ABLIM1: variants seen among roughly 807,000 people sequenced by gnomAD.
ABLIM1 encodes the protein actin binding LIM protein 1.
A neutral mutation model predicts 107.0 loss-of-function variants in ABLIM1; 40 were observed. The observed-to-expected ratio is 0.37, with a 90% confidence interval of 0.29 to 0.49. ABLIM1 has a LOEUF of 0.49. Ranked by LOEUF, ABLIM1 falls within the 20% of genes least tolerant of loss-of-function variation. The probability of loss-of-function intolerance (pLI) is 0.97; values close to 1 mark genes in which losing one functional copy is unlikely to be tolerated. For missense variants in ABLIM1, 857 were observed against 1,008.5 expected, an observed-to-expected ratio of 0.85 and a Z score of 2.04; for synonymous variants, 357 against 357.3, an observed-to-expected ratio of 1.00 and a Z score of 0.01.
chr10:114,521,983 A>C (rs2063815078), intron 6 of ABLIM1, among the ~76,000 whole-genome samples: 1 of 152,160 alleles, frequency 6.6e-6, no homozygotes, highest in South Asian at 2.1e-4. Flanking sequence ...TCTCCAAGTC[A>C]AAAGAGGCAG....
chr10:114,599,618 A>T (rs571254792), intron 2 of ABLIM1, among the ~76,000 whole-genome samples: 466 of 151,890 alleles, frequency 3.1e-3, no homozygotes, highest in Non-Finnish European at 3.4e-3. Context: ...CTGAAAAAAA[A>T]CCACACACAC....
intron 6 of ABLIM1, among the ~76,000 whole-genome samples, chr10:114,500,682 AG>A (rs563911885): frequency 7.9e-6 from 1 of 126,200 alleles, no homozygotes; most frequent in African/African-American, 3.1e-5. Flanking sequence ...TTGTGTCGAA[AG>A]AAAAAAAAAA....
intron 8 of ABLIM1, among the ~76,000 whole-genome samples, chr10:114,484,427 G>A (rs533766022): frequency 6.6e-6 from 1 of 152,018 alleles, no homozygotes; most frequent in Non-Finnish European, 1.5e-5. Context: ...CTGTCATCCC[G>A]GCTGGAGTGC....
intron 6 of ABLIM1, among the ~76,000 whole-genome samples, chr10:114,540,525 G>C (rs2066528882): frequency 6.6e-6 from 1 of 152,180 alleles, no homozygotes; most frequent in Non-Finnish European, 1.5e-5. Flanking sequence ...GACAGAGACA[G>C]AGAGAACTCG....
At chr10:114,621,061 C>T (rs2077436764) in intron 1 of ABLIM1, among the ~76,000 whole-genome samples, 1 of 152,224 alleles carries the variant, frequency 6.6e-6, no homozygotes, top group Non-Finnish European at 1.5e-5. Flanking sequence ...AAATGCTAAA[C>T]TGAGCTGCTT....
chr10:114,755,139 T>C (rs2082600924), intron 1 of ABLIM1, among the ~76,000 whole-genome samples: 1 of 152,158 alleles, frequency 6.6e-6, no homozygotes. Flanking sequence ...AAGCGAGCAT[T>C]ACCACCTGAA....
In ABLIM1 at chr10:114,575,560, T is replaced by G; in HGVS notation, c.419A>C (p.Lys140Thr). Residue 140 changes from lysine (K) to threonine (T), a missense_variant, in exon 3 of 23, where the codon AAG (lysine) becomes ACG (threonine). Physicochemically the swap from Lys to Thr is moderately conservative, Grantham distance 78. This residue lies in a region of ABLIM1 where 381 missense variants were observed against 506.9 expected (regional missense o/e 0.75). Coordinates refer to ENST00000533213, the MANE Select transcript of ABLIM1 (RefSeq NM_002313.7). ...CDLAQGGFFI[K>T]NGEYLCTLDY... is the part of the protein sequence containing the mutation. ...CAGGGTGCAGAGATACTCTCCGTTC[T>G]TTATGAAGAAGCCCCCTTGTGCCAG... 6.2e-7 allele frequency: 1 copy of G among 1,614,172 alleles called. No individual in the cohort carries two copies. Among genetic ancestry groups the G allele is most frequent in the Non-Finnish European group, 8.5e-7 (1 of 1,180,000 alleles).
intron 14 of ABLIM1, among the ~76,000 whole-genome samples, chr10:114,450,543 C>T (rs529164761): frequency 6.8e-6 from 1 of 146,252 alleles, no homozygotes; most frequent in Admixed American, 7.2e-5. Flanking sequence ...TCAAGTGATT[C>T]TCCTGCCTCA....
chr10:114,760,535 G>A (rs368565154), intron 1 of ABLIM1, among the ~76,000 whole-genome samples: 1 of 151,764 alleles, frequency 6.6e-6, no homozygotes, highest in Non-Finnish European at 1.5e-5. Flanking sequence ...AAATGTATAA[G>A]AATAGTTGCC....
intron 1 of ABLIM1, among the ~76,000 whole-genome samples, chr10:114,738,486 A>G (rs946037647): frequency 6.6e-6 from 1 of 152,250 alleles, no homozygotes; most frequent in African/African-American, 2.4e-5. Flanking sequence ...ACAAATGTGC[A>G]CAAGATCTAA....
chr10:114,691,051 C>G (rs2081066559), intron 1 of ABLIM1, among the ~76,000 whole-genome samples: 1 of 152,130 alleles, frequency 6.6e-6, no homozygotes, highest in Non-Finnish European at 1.5e-5. Flanking sequence ...TTCAATTGTT[C>G]CTTCTAACAA....
At chr10:114,622,223 T>C (rs997265156) in intron 1 of ABLIM1, among the ~76,000 whole-genome samples, 2 of 151,936 alleles carry the variant, frequency 1.3e-5, no homozygotes, top group African/African-American at 4.8e-5. Flanking sequence ...TTGCCACCTT[T>C]TCCTATCATC....
intron 22 of ABLIM1, among the ~76,000 whole-genome samples, chr10:114,437,380 G>A (rs927421875): frequency 6.8e-6 from 1 of 147,924 alleles, no homozygotes; most frequent in African/African-American, 2.5e-5. Context: ...GTACAGTGGT[G>A]TGATCTTGGC....
In ABLIM1 at chr10:114,434,479, C is replaced by G. The variant is rs576513145; in HGVS notation, c.*1781G>C. On this transcript the variant is annotated 3_prime_UTR_variant, in exon 23 of 23. Coordinates refer to ENST00000533213, the MANE Select transcript of ABLIM1 (RefSeq NM_002313.7). ...GAGCCACGTGTCAGAGGCTGCAACA[C>G]AGACTCAGAAACTATTCTACTTGCT... 6.6e-6 allele frequency: 1 copy of G among 152,330 alleles called. No individual in the cohort carries two copies. Among genetic ancestry groups the G allele is most frequent in the African/African-American group, 2.4e-5 (1 of 41,576 alleles). The allele number at this position is 152,330 out of a possible 1,614,324, so 9.4% of individuals were successfully genotyped here.
intron 1 of ABLIM1, chr10:114,613,544 G>T: frequency 1.7e-6 from 1 of 574,404 alleles, no homozygotes; most frequent in Non-Finnish European, 2.9e-6. Flanking sequence ...CCAAACTGCA[G>T]AGTGAAGCTT....
At chr10:114,451,027 T>C (rs1340191957) in intron 14 of ABLIM1, among the ~76,000 whole-genome samples, 1 of 152,226 alleles carries the variant, frequency 6.6e-6, no homozygotes, top group Admixed American at 6.5e-5. Context: ...AGAGACAAAC[T>C]GATCTAACTA....
At chr10:114,491,085 G>A (rs1023932343) in intron 7 of ABLIM1, among the ~76,000 whole-genome samples, 2 of 148,574 alleles carry the variant, frequency 1.3e-5, no homozygotes, top group African/African-American at 5.0e-5. Context: ...GCCCAGGATG[G>A]TCTTGAACTC....
intron 1 of ABLIM1, among the ~76,000 whole-genome samples, chr10:114,623,531 A>G (rs1261279817): frequency 6.6e-6 from 1 of 152,244 alleles, no homozygotes; most frequent in East Asian, 1.9e-4. Flanking sequence ...AGCTACTTCT[A>G]TAAAAATTTT....
chr10:114,594,027 C>G (rs1267074910), intron 2 of ABLIM1, among the ~76,000 whole-genome samples: 2 of 152,228 alleles, frequency 1.3e-5, no homozygotes, highest in African/African-American at 4.8e-5. Flanking sequence ...ATGTTTCTCT[C>G]ATTTTGGTTA....
Sources: allele counts gnomAD v4.1 joint callset (sites outside exome capture counted in the v4.1 genomes callset), GRCh38; gene constraint gnomAD v4.1.1; regional missense constraint gnomAD v4.1.1; transcripts MANE v1.5; gene names NCBI Gene and HGNC (gene_info 2026-07-23, HGNC 2026-07-21).